The following SLC25A21 variants were observed in gnomAD, a reference collection of about 807,000 sequenced individuals.
SLC25A21 encodes the protein mitochondrial 2-oxodicarboxylate carrier.
SLC25A21 carries 47 observed loss-of-function variants against 43.8 expected under a neutral mutation model. That is an observed-to-expected ratio of 1.07 (90% CI 0.85 to 1.37). The LOEUF is 1.37. Ranked by LOEUF, SLC25A21 falls within the 40% of genes most tolerant of loss-of-function variation. The pLI is 0.00. For missense variants in SLC25A21, 352 were observed against 350.2 expected (o/e 1.00, Z -0.04); for synonymous variants, 131 against 121.3 (o/e 1.08, Z -0.52).
At chr14:36,802,658 G>A (rs1887907295) in intron 3 of SLC25A21, among the ~76,000 whole-genome samples, 1 of 152,136 alleles carries the variant, frequency 6.6e-6, no homozygotes, top group Non-Finnish European at 1.5e-5. Flanking sequence ...GAGAACAGAA[G>A]GAGGAAATTA....
At chr14:37,045,412 C>G (rs1961566717) in intron 1 of SLC25A21, among the ~76,000 whole-genome samples, 2 of 152,228 alleles carry the variant, frequency 1.3e-5, no homozygotes, top group South Asian at 4.1e-4. Flanking sequence ...AGATCACATA[C>G]AGTTGAATGA....
chr14:37,118,176 T>C (rs892897818), intron 1 of SLC25A21, among the ~76,000 whole-genome samples: 1 of 152,020 alleles, frequency 6.6e-6, no homozygotes, highest in Non-Finnish European at 1.5e-5. Flanking sequence ...CTCCAACCAC[T>C]CCTGCAGATA....
chr14:36,787,704 G>T (rs539568881), intron 3 of SLC25A21, among the ~76,000 whole-genome samples: 1 of 152,246 alleles, frequency 6.6e-6, no homozygotes, highest in East Asian at 1.9e-4. Context: ...CTTTCTAACT[G>T]AAATATAATA....
intron 1 of SLC25A21, among the ~76,000 whole-genome samples, chr14:37,157,428 T>C (rs1034777263): frequency 2.6e-5 from 4 of 152,014 alleles, no homozygotes; most frequent in African/African-American, 7.3e-5. Context: ...TAGAAATCAA[T>C]AGTAAGAGGA....
At chr14:36,766,546 A>G (rs1256726515) in intron 3 of SLC25A21, among the ~76,000 whole-genome samples, 1 of 152,000 alleles carries the variant, frequency 6.6e-6, no homozygotes, top group Non-Finnish European at 1.5e-5. Flanking sequence ...ACTTGATCTT[A>G]ATCCTTTTTT....
chr14:36,740,712 T>C (rs921007579), intron 3 of SLC25A21, among the ~76,000 whole-genome samples: 1 of 149,116 alleles, frequency 6.7e-6, no homozygotes, highest in African/African-American at 2.5e-5. Context: ...ATGCTGACTG[T>C]ATGGAAGCAA....
At chr14:36,966,094 G>A (rs2138680247) in intron 1 of SLC25A21, among the ~76,000 whole-genome samples, 1 of 152,214 alleles carries the variant, frequency 6.6e-6, no homozygotes, top group African/African-American at 2.4e-5. Context: ...TGGAACGTAA[G>A]AAACACACAG....
chr14:36,958,588 G>A (rs960267485), intron 1 of SLC25A21, among the ~76,000 whole-genome samples: 8 of 152,020 alleles, frequency 5.3e-5, no homozygotes, highest in Non-Finnish European at 5.9e-5. Flanking sequence ...CAGGTGTTGA[G>A]GCCTTACCCA....
intron 1 of SLC25A21, among the ~76,000 whole-genome samples, chr14:37,019,526 G>A (rs1415690447): frequency 6.6e-6 from 1 of 151,768 alleles, no homozygotes; most frequent in Non-Finnish European, 1.5e-5. Context: ...CATTGGTAGT[G>A]GGAGCTCTGG....
chr14:36,962,710 G>GAAAGGAT (rs1370667525), intron 1 of SLC25A21, among the ~76,000 whole-genome samples: 1 of 152,138 alleles, frequency 6.6e-6, no homozygotes, highest in Non-Finnish European at 1.5e-5. Context: ...AAAATAGCCA[G>GAAAGGAT]AAAGGATAAT....
chr14:36,891,035 C>T (rs1283561083), intron 1 of SLC25A21, among the ~76,000 whole-genome samples: 1 of 152,072 alleles, frequency 6.6e-6, no homozygotes, highest in African/African-American at 2.4e-5. Flanking sequence ...ATTAAGTCCT[C>T]AAAAGTAAAT....
At chr14:36,715,895 C>T (rs978867241) in intron 6 of SLC25A21, among the ~76,000 whole-genome samples, 1 of 151,792 alleles carries the variant, frequency 6.6e-6, no homozygotes, top group African/African-American at 2.4e-5. Flanking sequence ...AGTGCGAGAC[C>T]AGCTGGCCAA....
intron 1 of SLC25A21, among the ~76,000 whole-genome samples, chr14:36,919,075 A>AAATAAATGAATGGATGAATGAATG (rs1437392240): frequency 1.4e-4 from 21 of 152,006 alleles, no homozygotes; most frequent in African/African-American, 5.1e-4. Flanking sequence ...CATTCATATA[A>AAATAAATGAATGGATGAATGAATG]AATAAATGAA....
At chr14:36,869,597 A>G (rs1162463632) in intron 2 of SLC25A21, among the ~76,000 whole-genome samples, 2 of 152,188 alleles carry the variant, frequency 1.3e-5, no homozygotes, top group African/African-American at 2.4e-5. Context: ...GAAAGTCCAT[A>G]TATGTTTTCT....
intron 1 of SLC25A21, among the ~76,000 whole-genome samples, chr14:37,081,226 A>G (rs1350810869): frequency 6.6e-6 from 1 of 152,200 alleles, no homozygotes; most frequent in Non-Finnish European, 1.5e-5. Flanking sequence ...CCTAAGTTAG[A>G]ACACTTTTTA....
chr14:37,145,273 A>G (rs1354571976), intron 1 of SLC25A21, among the ~76,000 whole-genome samples: 1 of 151,294 alleles, frequency 6.6e-6, no homozygotes, highest in Non-Finnish European at 1.5e-5. Context: ...TCTATTCTCT[A>G]TTTTTTTTAA....
chr14:36,680,409 T>C lies in SLC25A21; in HGVS notation c.*249A>G. Reference sequence around the variant, plus strand: ...AAATAAATATATGATTTCTATGCTATTTTTCTATATTCACTTTAAATACCT... The same window carrying C: ...AAATAAATATATGATTTCTATGCTACTTTTCTATATTCACTTTAAATACCT... On this transcript the variant is annotated 3_prime_UTR_variant, in exon 10 of 10. Coordinates refer to ENST00000331299, the MANE Select transcript of SLC25A21 (RefSeq NM_030631.4). 1 of 1,117,896 alleles carries C rather than the reference T, an allele frequency of 8.9e-7. No individual in the cohort carries two copies. The highest frequency in any genetic ancestry group is 1.1e-6 in the Non-Finnish European group (1 of 908,062). 69.2% of individuals were successfully genotyped at this position (1,117,896 alleles called of 1,614,324 possible).
intron 1 of SLC25A21, among the ~76,000 whole-genome samples, chr14:36,933,138 A>G (rs951665888): frequency 1.3e-5 from 2 of 152,188 alleles, no homozygotes; most frequent in Admixed American, 1.3e-4. Context: ...TCTAGGTAAC[A>G]ACTAAAATTA....
intron 7 of SLC25A21, 128 bp downstream of exon 7, chr14:36,711,189 TA>T: frequency 1.2e-6 from 1 of 807,496 alleles, no homozygotes; most frequent in Non-Finnish European, 1.9e-6. Context: ...AATGCAGATG[TA>T]AGGATCAAAT....
Sources: gnomAD v4.1 joint callset for allele counts (sites outside exome capture counted in the v4.1 genomes callset) on GRCh38, gnomAD v4.1.1 for gene constraint, MANE v1.5 for transcripts, NCBI Gene and HGNC (gene_info 2026-07-23, HGNC 2026-07-21) for gene names.